The following WWOX variants were observed in gnomAD, a reference collection of about 807,000 sequenced individuals.
The protein encoded by WWOX is WW domain containing oxidoreductase, also known as WW domain-containing oxidoreductase.
A neutral mutation model predicts 46.2 loss-of-function variants in WWOX; 69 were observed. That is an observed-to-expected ratio of 1.49 (90% CI 1.23 to 1.82). The LOEUF (loss-of-function observed/expected upper bound fraction) is 1.82, where lower values mean the gene tolerates loss of function less well. WWOX is among the 40% of genes most tolerant of loss of function. WWOX has a pLI of 0.00. For synonymous variants in WWOX, 359 were observed against 202.6 expected, an observed-to-expected ratio of 1.77 and a Z score of -6.56; for missense variants, 919 against 542.6, an observed-to-expected ratio of 1.69 and a Z score of -6.89.
chr16:79,017,382 A>G (rs1255558202), intron 8 of WWOX: 2 of 128,076 alleles, frequency 1.6e-5, no homozygotes, highest in South Asian at 2.8e-4. Context: ...GTGAACCGTG[A>G]TCGCTTCACT....
chr16:78,455,479 A>G (rs2083791942), intron 8 of WWOX, among the ~76,000 whole-genome samples: 1 of 151,938 alleles, frequency 6.6e-6, no homozygotes, highest in South Asian at 2.1e-4. Flanking sequence ...CATCTCTACT[A>G]AAAACACAAA....
rs566148688 is a variant in WWOX at position 79,131,802 on chromosome 16, C to T, written c.1057-79806C>T. Among the ~76,000 whole-genome samples, 34 of 152,196 alleles carry T rather than the reference C, an allele frequency of 2.2e-4. 1 individual carries two copies. Among genetic ancestry groups the T allele is most frequent in the African/African-American group, 5.5e-4 (23 of 41,530 alleles). ...CATACCCTAGCCTGGGAAGAAAAAT[C>T]GGTTTAATGGACTTACAGTTCCATA... On this transcript the variant is annotated intron_variant, in intron 8 of 8. Coordinates refer to ENST00000566780, the MANE Select transcript of WWOX (RefSeq NM_016373.4).
intron 8 of WWOX, among the ~76,000 whole-genome samples, chr16:78,689,219 G>C (rs2047931331): frequency 1.3e-5 from 2 of 152,188 alleles, no homozygotes; most frequent in South Asian, 2.1e-4. Context: ...TGACCTTGTT[G>C]AGAAATGCTG....
chr16:78,663,810 G>C (rs373150744), intron 8 of WWOX, among the ~76,000 whole-genome samples: 1 of 152,174 alleles, frequency 6.6e-6, no homozygotes, highest in Non-Finnish European at 1.5e-5. Flanking sequence ...CCTCAGCAAA[G>C]AAAATCTCAA....
intron 8 of WWOX, among the ~76,000 whole-genome samples, chr16:78,876,044 A>G (rs2044227751): frequency 6.6e-6 from 1 of 152,114 alleles, no homozygotes; most frequent in Admixed American, 6.5e-5. Context: ...CCATGGTACT[A>G]TATACACTGC....
intron 8 of WWOX, among the ~76,000 whole-genome samples, chr16:78,488,719 G>T (rs955683091): frequency 6.6e-6 from 1 of 152,106 alleles, no homozygotes; most frequent in Non-Finnish European, 1.5e-5. Flanking sequence ...TTTTCTTTAT[G>T]GGCCATTAGG....
chr16:78,903,232 T>C (rs2151244602), intron 8 of WWOX, among the ~76,000 whole-genome samples: 1 of 152,306 alleles, frequency 6.6e-6, no homozygotes. Context: ...TGGCCTGCAA[T>C]CAGTCTTATT....
intron 8 of WWOX, among the ~76,000 whole-genome samples, chr16:78,923,259 G>C (rs536732029): frequency 6.6e-6 from 1 of 152,232 alleles, no homozygotes; most frequent in African/African-American, 2.4e-5. Flanking sequence ...GGGATTACAG[G>C]CTTGAGCCAC....
At chr16:78,960,011 A>T (rs1300773770) in intron 8 of WWOX, among the ~76,000 whole-genome samples, 1 of 152,184 alleles carries the variant, frequency 6.6e-6, no homozygotes, top group Non-Finnish European at 1.5e-5. Flanking sequence ...AATACCAATG[A>T]CATTTGTGCT....
intron 8 of WWOX, among the ~76,000 whole-genome samples, chr16:79,058,795 A>T (rs1159298661): frequency 6.6e-6 from 1 of 152,124 alleles, no homozygotes; most frequent in African/African-American, 2.4e-5. Context: ...TAACAAAGGG[A>T]TTTGTTGTGT....
chr16:78,766,315 G>T (rs559736700), intron 8 of WWOX, among the ~76,000 whole-genome samples: 8 of 152,156 alleles, frequency 5.3e-5, no homozygotes, highest in Admixed American at 3.9e-4. Context: ...GTGCAGAGGA[G>T]ACCGGGCATG....
intron 8 of WWOX, among the ~76,000 whole-genome samples, chr16:78,749,372 T>C (rs2049424400): frequency 6.6e-6 from 1 of 152,190 alleles, no homozygotes; most frequent in Non-Finnish European, 1.5e-5. Context: ...TGTTTTAAAA[T>C]TGAATACAGC....
chr16:78,832,238 C>T (rs891075110), intron 8 of WWOX, among the ~76,000 whole-genome samples: 5 of 152,122 alleles, frequency 3.3e-5, no homozygotes, highest in African/African-American at 1.2e-4. Context: ...CAGGAGGCCT[C>T]AGTTCTTCAC....
intron 5 of WWOX, among the ~76,000 whole-genome samples, chr16:78,165,664 G>A (rs2034946697): frequency 6.6e-6 from 1 of 152,154 alleles, no homozygotes. Context: ...CTTCATTTTT[G>A]AATGCTGTGA....
chr16:79,042,575 A>G (rs2047992151), intron 8 of WWOX, among the ~76,000 whole-genome samples: 1 of 152,240 alleles, frequency 6.6e-6, no homozygotes, highest in South Asian at 2.1e-4. Flanking sequence ...TATTAGGGTT[A>G]TAATGCAGCA....
At chr16:78,895,502 C>G (rs769330878) in intron 8 of WWOX, 1 of 152,196 alleles carries the variant, frequency 6.6e-6, no homozygotes, top group Non-Finnish European at 1.5e-5. Context: ...TTTTTCTATT[C>G]CACCAGTCTA....
At chr16:78,210,013 A>T (rs1045459598) in intron 5 of WWOX, among the ~76,000 whole-genome samples, 2 of 152,188 alleles carry the variant, frequency 1.3e-5, no homozygotes, top group Non-Finnish European at 2.9e-5. Context: ...GATAACTGGA[A>T]AAAAGTACGA....
rs2081133085 is a variant in WWOX at position 78,348,574 on chromosome 16, C to A, written c.517-38286C>A. 1.7e-5 allele frequency among the ~76,000 whole-genome samples: 2 copies of A among 120,750 alleles called. 1 individual carries two copies. The highest frequency in any genetic ancestry group is 5.0e-4 in the South Asian group (2 of 4,022). The allele number at this position is 120,750 out of a possible 152,430, so 79.2% of individuals were successfully genotyped here. ...TTGAGCTCAGGCAATCCTCCTGCCT[C>A]AGCCCCACCAGTAGCTGGGACTAGA... is the stretch of plus-strand genomic sequence containing the variant. On this transcript the variant is annotated intron_variant, in intron 5 of 8. Transcript: ENST00000566780.
At chr16:78,545,381 A>T (rs553642244) in intron 8 of WWOX, among the ~76,000 whole-genome samples, 1,432 of 128,646 alleles carry the variant, frequency 0.011, 18 homozygotes, top group Non-Finnish European at 8.4e-3. Flanking sequence ...CATTTCTTTT[A>T]AAAAAAAAAT....
Sources: gnomAD v4.1 joint callset for allele counts (sites outside exome capture counted in the v4.1 genomes callset) on GRCh38, gnomAD v4.1.1 for gene constraint, MANE v1.5 for transcripts, NCBI Gene and HGNC (gene_info 2026-07-23, HGNC 2026-07-21) for gene names.